PTPN18: variants seen among roughly 807,000 people sequenced by gnomAD.
PTPN18 encodes the protein protein tyrosine phosphatase non-receptor type 18.
PTPN18 carries 65 observed loss-of-function variants against 65.4 expected under a neutral mutation model. That is an observed-to-expected ratio of 0.99 (90% CI 0.81 to 1.22). The LOEUF (loss-of-function observed/expected upper bound fraction) is 1.22, where lower values mean the gene tolerates loss of function less well. Ranked by LOEUF, PTPN18 falls within the 50% of genes most tolerant of loss-of-function variation. PTPN18 has a pLI of 0.00. For synonymous variants in PTPN18, 255 were observed against 267.8 expected, an observed-to-expected ratio of 0.95 and a Z score of 0.47; for missense variants, 616 against 646.5, an observed-to-expected ratio of 0.95 and a Z score of 0.51.
At chr2:130,370,342 A>G in intron 8 of PTPN18, 152 bp downstream of exon 8, 1 of 1,249,592 alleles carries the variant, frequency 8.0e-7, no homozygotes. Context: ...GCACTTGTTC[A>G]GCACAGACTC....
Position 130,372,962 on chromosome 2 carries a change from G to T in PTPN18, c.1315+15G>T, listed in dbSNP as rs1351602718. ...CGGTGGGCTAGGTAAGTCAGGTAGA[G>T]CCTGGGTTGCTGGGACTTTGCTGCT... On this transcript the variant is annotated intron_variant, in intron 14 of 14. Transcript: ENST00000175756. The T allele has an allele frequency of 1.1e-5, 18 of 1,614,086 alleles. No individual in the cohort carries two copies. Among genetic ancestry groups the T allele is most frequent in the Non-Finnish European group, 1.5e-5 (18 of 1,179,936 alleles).
chr2:130,362,045 G>T, intron 5 of PTPN18: 1 of 445,666 alleles, frequency 2.2e-6, no homozygotes. Flanking sequence ...ATAGTTCACT[G>T]TAACCTCAAA....
rs765274550 is a variant in PTPN18 at position 130,370,136 on chromosome 2, A to C, written c.635A>C (p.Glu212Ala). 6.2e-7 allele frequency: 1 copy of C among 1,613,966 alleles called. No individual in the cohort carries two copies. ...CCTGACCACATGCTCGCCATGGTGG[A>C]GGAAGCCCGTCGCCTCCAGGGATCT... ...SSPDHMLAMV[E>A]EARRLQGSGP... is the part of the protein sequence containing the mutation. Residue 212 changes from glutamate (E) to alanine (A), a missense_variant, in exon 8 of 15, where the codon GAG becomes GCG. Physicochemically the swap from Glu to Ala is moderately radical, Grantham distance 107 (BLOSUM62 -1). Coordinates refer to ENST00000175756, the MANE Select transcript of PTPN18 (RefSeq NM_014369.4).
At chr2:130,372,532 C>T in intron 13 of PTPN18, 49 bp downstream of exon 13, 1 of 1,400,370 alleles carries the variant, frequency 7.1e-7, no homozygotes, top group Non-Finnish European at 9.2e-7. Context: ...CTGTGATCCG[C>T]AGGGCGGAAC....
rs560939202 is a variant in PTPN18, at chr2:130,361,129, T to C, written c.414+1483T>C. 1.6e-4 allele frequency among the ~76,000 whole-genome samples: 25 copies of C among 152,372 alleles called. No individual in the cohort carries two copies. In the East Asian group the frequency reaches 4.8e-3, roughly 29 times the overall value. ...TAAAAAGACACTTTTATATCTTTAC[T>C]GTATATTTTATATCTTTACTGATTT... On this transcript the variant is annotated intron_variant, in intron 5 of 14. Transcript: ENST00000175756.
At chr2:130,358,681 G>A (rs1160080893) in intron 1 of PTPN18, among the ~76,000 whole-genome samples, 186 bp from the exon 2 acceptor site, 1 of 152,184 alleles carries the variant, frequency 6.6e-6, no homozygotes, top group Non-Finnish European at 1.5e-5. Context: ...GTGGCACAGA[G>A]AAGGTGCCCT....
intron 5 of PTPN18, 52 bp downstream of exon 5, chr2:130,359,698 G>A: frequency 1.9e-6 from 3 of 1,589,450 alleles, no homozygotes; most frequent in South Asian, 2.2e-5. Flanking sequence ...GAGGGAGGAG[G>A]GATCTTGCTA....
chr2:130,369,851 G>C, intron 7 of PTPN18, 24 bp downstream of exon 7: 1 of 1,570,172 alleles, frequency 6.4e-7, no homozygotes, highest in Non-Finnish European at 8.8e-7. Flanking sequence ...GGAGGAGGAG[G>C]TAAAGGGGCT....
In PTPN18 at chr2:130,374,760, C is replaced by T. The variant is rs1232397046; in HGVS notation, c.*1536C>T. On this transcript the variant is annotated 3_prime_UTR_variant, in exon 15 of 15. Coordinates refer to ENST00000175756, the MANE Select transcript of PTPN18 (RefSeq NM_014369.4). ...CCATGTCCACCCCTGTCCTGCCCTT[C>T]TCTGGGATAGGGCTGGCCTTCCTCT... 2.2e-6 allele frequency: 1 copy of T among 464,108 alleles called. No homozygotes were observed. The highest frequency in any genetic ancestry group is 2.0e-5 in the African/African-American group (1 of 49,958). The allele number at this position is 464,108 out of a possible 1,614,324, so 28.7% of individuals were successfully genotyped here. A position where few individuals can be genotyped will look rare whatever the true frequency, so the allele number is the denominator to read the frequency against.
In PTPN18 at chr2:130,374,255, A is replaced by T. The variant is rs1460578187; in HGVS notation, c.*1031A>T. 3 of 199,828 alleles carry T rather than the reference A, an allele frequency of 1.5e-5. No individual in the cohort carries two copies. Among genetic ancestry groups the T allele is most frequent in the African/African-American group, 7.0e-5 (3 of 42,588 alleles). The allele number at this position is 199,828 out of a possible 1,614,324, so 12.4% of individuals were successfully genotyped here. On this transcript the variant is annotated 3_prime_UTR_variant, in exon 15 of 15. Coordinates refer to ENST00000175756, the MANE Select transcript of PTPN18 (RefSeq NM_014369.4). ...ACCTATCTAGGCAGACCCCAGCCAGACCCCCGCCAGACAGACTCCCAACCA... is the reference window on the plus strand; with the variant it reads ...ACCTATCTAGGCAGACCCCAGCCAGTCCCCCGCCAGACAGACTCCCAACCA...
chr2:130,372,270 C>G lies in PTPN18; in HGVS notation c.1027C>G (p.Pro343Ala). 1 of 1,569,148 alleles carries G rather than the reference C, an allele frequency of 6.4e-7. No homozygotes were observed. Among genetic ancestry groups the G allele is most frequent in the Non-Finnish European group, 8.6e-7 (1 of 1,166,566 alleles). The stretch of plus-strand genomic sequence containing the variant: ...CCCTGCCTGCAGGAGCATCTCTGTG[C>G]CCGGGTCCCCGGGCCACGCCATGGC... ...PGGVLRSISV[P>A]GSPGHAMADT... Residue 343 changes from proline (P) to alanine (A), a missense_variant, in exon 13 of 15, where the codon CCC becomes GCC. By Grantham distance (27) the Pro-to-Ala change is conservative (BLOSUM62 -1). Around this residue, in one of 3 missense-constraint regions of PTPN18, gnomAD observed 368 missense variants for 386.7 expected, o/e 0.95. Coordinates refer to ENST00000175756, the MANE Select transcript of PTPN18 (RefSeq NM_014369.4).
chr2:130,363,165 C>T (rs958016186), intron 5 of PTPN18, among the ~76,000 whole-genome samples: 6 of 150,944 alleles, frequency 4.0e-5, no homozygotes, highest in African/African-American at 1.5e-4. Context: ...TAAAAAAATC[C>T]AGGCCAGACA....
chr2:130,371,276 A>AG lies in PTPN18; in HGVS notation c.1006dup (p.Val336GlyfsTer17). ...TTCTCGCCATACCCCGCCCACCAGG[A>AG]GGGGTCCTCAGGTACCCGGCTCCAT... On this transcript the variant is annotated frameshift_variant, in exon 12 of 15. Transcript: ENST00000175756. LOFTEE classifies it high-confidence loss of function. The AG allele has an allele frequency of 6.3e-7, 1 of 1,594,178 alleles. No homozygotes were observed. The highest frequency in any genetic ancestry group is 1.1e-5 in the South Asian group (1 of 90,604).
At chr2:130,365,443 T>C (rs186439383) in intron 5 of PTPN18, among the ~76,000 whole-genome samples, 26 of 152,320 alleles carry the variant, frequency 1.7e-4, no homozygotes, top group African/African-American at 6.3e-4. Context: ...CTATTTGGGG[T>C]TGTCTTTTTA....
chr2:130,360,141 T>C (rs988343773), intron 5 of PTPN18, among the ~76,000 whole-genome samples: 7 of 152,338 alleles, frequency 4.6e-5, no homozygotes, highest in Non-Finnish European at 8.8e-5. Flanking sequence ...CATTTTAAAC[T>C]CTCAGCACTT....
intron 4 of PTPN18, 27 bp from the exon 5 acceptor site, chr2:130,359,581 T>G (rs1223395568): frequency 6.2e-7 from 1 of 1,613,832 alleles, no homozygotes. Context: ...CAAATCACCT[T>G]CCTCTCCCCT....
intron 5 of PTPN18, among the ~76,000 whole-genome samples, chr2:130,363,466 G>C (rs1444560530): frequency 6.6e-6 from 1 of 151,822 alleles, no homozygotes; most frequent in East Asian, 1.9e-4. Flanking sequence ...AAAAAGAAAA[G>C]AAATCCTATA....
At chr2:130,368,961 T>C in intron 5 of PTPN18, 172 bp from the exon 6 acceptor site, 1 of 583,996 alleles carries the variant, frequency 1.7e-6, no homozygotes. Flanking sequence ...CTCCATTGAG[T>C]CTGCATGTGT....
intron 1 of PTPN18, chr2:130,356,683 C>G (rs1246962097): frequency 2.2e-6 from 1 of 459,548 alleles, no homozygotes; most frequent in South Asian, 1.6e-5. Context: ...GAATCCGCGT[C>G]CGGGCCCGAA....
Sources: gnomAD v4.1 joint callset for allele counts (sites outside exome capture counted in the v4.1 genomes callset) on GRCh38, gnomAD v4.1.1 for gene constraint, gnomAD v4.1.1 regional missense constraint, MANE v1.5 for transcripts, NCBI Gene and HGNC (gene_info 2026-07-23, HGNC 2026-07-21) for gene names.